DDHD2: variants seen among roughly 807,000 people sequenced by gnomAD.
DDHD2 encodes the protein triacylglycerol hydrolase DDHD2.
A neutral mutation model predicts 91.2 loss-of-function variants in DDHD2; 62 were observed. That is an observed-to-expected ratio of 0.68 (90% CI 0.55 to 0.84). The LOEUF (loss-of-function observed/expected upper bound fraction) is 0.84. Ranked by LOEUF, DDHD2 falls within the 40% of genes least tolerant of loss-of-function variation. DDHD2 has a pLI of 0.00. For missense variants in DDHD2, 740 were observed against 846.9 expected (o/e 0.87, Z 1.57); for synonymous variants, 271 against 293.9 (o/e 0.92, Z 0.80).
chr8:38,253,035 C>CT lies in DDHD2; in HGVS notation c.1803dup (p.Thr602TyrfsTer18), dbSNP rs1312739762. The CT allele has an allele frequency of 1.9e-6, 3 of 1,614,002 alleles. No homozygotes were observed. Among genetic ancestry groups the CT allele is most frequent in the African/African-American group, 1.3e-5 (1 of 74,910 alleles). The stretch of plus-strand genomic sequence containing the variant: ...GGTTCGCTGCGGATGGCCTGGAAGT[C>CT]TTTTACCAGAGCTCCATACCCTGCC... On this transcript the variant is annotated frameshift_variant, in exon 15 of 18. Transcript: ENST00000397166. LOFTEE classifies it high-confidence loss of function.
chr8:38,240,611 T>C (rs147455391), intron 6 of DDHD2, among the ~76,000 whole-genome samples: 1 of 152,384 alleles, frequency 6.6e-6, no homozygotes, highest in Non-Finnish European at 1.5e-5. Flanking sequence ...AATTGTGTTT[T>C]ATGATGTGGT....
chr8:38,253,773 TGATA>T, intron 16 of DDHD2, 55 bp downstream of exon 16: 1 of 1,561,752 alleles, frequency 6.4e-7, no homozygotes, highest in Non-Finnish European at 8.8e-7. Flanking sequence ...CATAGATATT[TGATA>T]GATGTAGAAA....
Position 38,241,393 on chromosome 8 carries a change from T to A in DDHD2, c.713-857T>A, listed in dbSNP as rs1370863973. 2.6e-5 allele frequency among the ~76,000 whole-genome samples: 4 copies of A among 151,958 alleles called. No individual in the cohort carries two copies. The South Asian group carries it at 8.3e-4, about 32-fold the overall frequency. ...TTTGAAGTTTAGCTTTCTTTTTTTT[T>A]CCTTTTCCTTTTTTTTTGTTTTTAA... On this transcript the variant is annotated intron_variant, in intron 6 of 17. Transcript: ENST00000397166.
intron 7 of DDHD2, among the ~76,000 whole-genome samples, chr8:38,243,720 C>G (rs776039839): frequency 1.2e-4 from 18 of 151,930 alleles, no homozygotes; most frequent in Non-Finnish European, 1.8e-4. Context: ...CTGGACCTCC[C>G]TGGGCTCAGA....
chr8:38,232,690 C>T (rs1046975727), intron 1 of DDHD2, among the ~76,000 whole-genome samples: 12 of 152,152 alleles, frequency 7.9e-5, no homozygotes, highest in Non-Finnish European at 1.3e-4. Context: ...AATCTAGTTT[C>T]GAGCATGTGG....
intron 5 of DDHD2, 33 bp from the exon 6 acceptor site, chr8:38,240,242 A>G: frequency 1.5e-6 from 2 of 1,345,054 alleles, no homozygotes; most frequent in Non-Finnish European, 2.1e-6. Flanking sequence ...GACTAATTAT[A>G]CAGAATAATT....
At position 38,247,775 on chromosome 8, in the gene DDHD2, ACTTCAG is replaced by A. The variant is rs1805763893; in HGVS notation, c.1191_1196del (p.Gln398_Leu399del). ...CTACACTAGAGGAAGATTTGAAGAA[ACTTCAG>A]CTCTCTGAATTCTTTGATATCTTTG... On this transcript the variant is annotated inframe_deletion, in exon 10 of 18. Transcript: ENST00000397166. 4.4e-6 allele frequency: 7 copies of A among 1,583,414 alleles called. No individual in the cohort carries two copies. Among genetic ancestry groups the A allele is most frequent in the Non-Finnish European group, 5.2e-6 (6 of 1,163,174 alleles).
downstream of DDHD2, chr8:38,267,594 G>T: frequency 1.5e-6 from 1 of 663,902 alleles, no homozygotes; most frequent in Non-Finnish European, 2.5e-6. Context: ...GCCCATTCCA[G>T]CACATGATTA....
At chr8:38,242,449 T>G in intron 7 of DDHD2, 64 bp downstream of exon 7, 1 of 1,539,050 alleles carries the variant, frequency 6.5e-7, no homozygotes, top group East Asian at 2.3e-5. Flanking sequence ...ATTGCTATGC[T>G]TGGGGACGTT....
chr8:38,271,344 T>C (rs1808469952), exon 2 of DDHD2: 1 of 152,108 alleles, frequency 6.6e-6, no homozygotes, highest in African/African-American at 2.4e-5. Flanking sequence ...CTGAATTCAA[T>C]GAGGCAGAGG....
Sources: gnomAD v4.1 joint callset for allele counts (sites outside exome capture counted in the v4.1 genomes callset) on GRCh38, gnomAD v4.1.1 for gene constraint, MANE v1.5 for transcripts, NCBI Gene and HGNC (gene_info 2026-07-23, HGNC 2026-07-21) for gene names.